The following PTGR2 variants were observed in gnomAD, a reference collection of about 807,000 sequenced individuals.
PTGR2 encodes the protein 15-oxoprostaglandin 13-reductase.
A neutral mutation model predicts 43.4 loss-of-function variants in PTGR2; 32 were observed. That is an observed-to-expected ratio of 0.74 (90% CI 0.56 to 0.99). PTGR2 has a LOEUF of 0.99. Among genes scored for constraint, PTGR2 ranks in the 50% least tolerant of loss-of-function variants. The pLI, the probability that PTGR2 is intolerant of heterozygous loss-of-function variation, is 0.00. For synonymous variants in PTGR2, 106 were observed against 139.2 expected (o/e 0.76, Z 1.68); for missense variants, 373 against 420.0 (o/e 0.89, Z 0.98).
chr14:73,865,409 G>A (rs1566636913), intron 3 of PTGR2, among the ~76,000 whole-genome samples: 1 of 152,154 alleles, frequency 6.6e-6, no homozygotes, highest in Non-Finnish European at 1.5e-5. Context: ...TGGGCTCCTT[G>A]TTGAATGGAT....
At chr14:73,875,275 G>A (rs1293943838) in intron 4 of PTGR2, among the ~76,000 whole-genome samples, 2 of 152,094 alleles carry the variant, frequency 1.3e-5, no homozygotes, top group Admixed American at 1.3e-4. Flanking sequence ...TGGGATTACA[G>A]GTGTGAACCA....
intron 9 of PTGR2, 120 bp downstream of exon 9, chr14:73,882,558 T>G: frequency 1.5e-6 from 1 of 662,894 alleles, no homozygotes; most frequent in South Asian, 2.2e-5. Flanking sequence ...TGGAGTGTAG[T>G]GGCATGATCT....
In PTGR2 at chr14:73,884,170, CTT is replaced by C; in HGVS notation, c.1051_1052del (p.Leu351ValfsTer28). 6.3e-7 allele frequency: 1 copy of C among 1,580,780 alleles called. No individual in the cohort carries two copies. Among genetic ancestry groups the C allele is most frequent in the South Asian group, 1.1e-5 (1 of 89,346 alleles). On this transcript the variant is annotated frameshift_variant, in exon 10 of 10. Transcript: ENST00000555661. LOFTEE classifies it high-confidence loss of function. Reference sequence around the variant, plus strand: ...ATAGTTTGCATTTCAGAAGAAATCTCTTTGTAATTGCTGTAAATGTCATCAAG... The same window carrying C: ...ATAGTTTGCATTTCAGAAGAAATCTCTGTAATTGCTGTAAATGTCATCAAG...
At chr14:73,872,108 AG>A (rs1436200226) in intron 3 of PTGR2, among the ~76,000 whole-genome samples, 2 of 152,148 alleles carry the variant, frequency 1.3e-5, no homozygotes, top group Non-Finnish European at 2.9e-5. Context: ...TTCATGATAG[AG>A]GCAAGAGTGA....
intron 8 of PTGR2, 79 bp from the exon 9 acceptor site, chr14:73,882,320 G>A: frequency 2.2e-6 from 2 of 890,422 alleles, no homozygotes; most frequent in Admixed American, 2.2e-5. Flanking sequence ...TAGTATTGCT[G>A]GCTTTTGTAA....
At position 73,868,288 on chromosome 14, in the gene PTGR2, C is replaced by CA. The variant is rs778647372; in HGVS notation, c.157-5724dup. Among the ~76,000 whole-genome samples, 1,374 of 144,614 alleles carry CA rather than the reference C, an allele frequency of 9.5e-3. 22 individuals are homozygous for CA. The highest frequency in any genetic ancestry group is 0.032 in the African/African-American group (1,279 of 39,684). 94.9% of individuals were successfully genotyped at this position (144,614 alleles called of 152,430 possible). On this transcript the variant is annotated intron_variant, in intron 3 of 9. Transcript: ENST00000555661. The stretch of plus-strand genomic sequence containing the variant: ...TGGGCAACAGAGCAAGACTCTGTCT[C>CA]AAAAAAAAAAAGAAGCTACATAACC...
chr14:73,878,664 G>C (rs1231827566), intron 5 of PTGR2: 2 of 473,452 alleles, frequency 4.2e-6, no homozygotes, highest in Non-Finnish European at 8.3e-6. Flanking sequence ...TGTTTATTTT[G>C]ACAATGACCA....
intron 1 of PTGR2, among the ~76,000 whole-genome samples, chr14:73,857,545 C>T (rs1424702375): frequency 6.6e-6 from 1 of 151,120 alleles, no homozygotes; most frequent in African/African-American, 2.4e-5. Context: ...ACCCAGGAAG[C>T]AGAGGTTGCG....
intron 3 of PTGR2, chr14:73,861,390 AC>A (rs1463816841): frequency 2.0e-5 from 3 of 152,044 alleles, no homozygotes; most frequent in Admixed American, 1.3e-4. Flanking sequence ...TTTACTTCTA[AC>A]TTTTTCCTAT....
intron 4 of PTGR2, among the ~76,000 whole-genome samples, chr14:73,876,136 TAA>T (rs1362918615): frequency 6.6e-6 from 1 of 152,170 alleles, no homozygotes; most frequent in Non-Finnish European, 1.5e-5. Flanking sequence ...TTCTTTAATA[TAA>T]AGAGAAGTAA....
chr14:73,872,250 A>G (rs1198004992), intron 3 of PTGR2, among the ~76,000 whole-genome samples: 1 of 152,188 alleles, frequency 6.6e-6, no homozygotes, highest in African/African-American at 2.4e-5. Flanking sequence ...GTTAGGGGGC[A>G]TGAAATAGGG....
intron 1 of PTGR2, among the ~76,000 whole-genome samples, chr14:73,853,772 A>C (rs1428533437): frequency 6.8e-6 from 1 of 147,592 alleles, no homozygotes; most frequent in Non-Finnish European, 1.5e-5. Context: ...AGGTTGAGAG[A>C]AGGGACTTTT....
At chr14:73,861,748 C>T (rs909014775) in intron 3 of PTGR2, 1 of 151,992 alleles carries the variant, frequency 6.6e-6, no homozygotes, top group African/African-American at 2.4e-5. Flanking sequence ...AAAAAAAAGT[C>T]TCAGTGCTTG....
At chr14:73,865,934 C>T (rs1282956597) in intron 3 of PTGR2, among the ~76,000 whole-genome samples, 4 of 152,078 alleles carry the variant, frequency 2.6e-5, no homozygotes, top group Admixed American at 6.6e-5. Flanking sequence ...ATGCTAGTAC[C>T]TCGCTCTCTT....
chr14:73,866,240 G>T (rs1480497197), intron 3 of PTGR2, among the ~76,000 whole-genome samples: 1 of 152,052 alleles, frequency 6.6e-6, no homozygotes, highest in Non-Finnish European at 1.5e-5. Flanking sequence ...TGACCTTCAG[G>T]TGATCCACCC....
chr14:73,870,631 A>G (rs959467203), intron 3 of PTGR2, among the ~76,000 whole-genome samples: 11 of 151,954 alleles, frequency 7.2e-5, no homozygotes, highest in Admixed American at 4.6e-4. Flanking sequence ...CTTGGCTTTC[A>G]TATTCTTTTT....
chr14:73,852,582 T>A (rs542816955), intron 1 of PTGR2, among the ~76,000 whole-genome samples: 87 of 151,996 alleles, frequency 5.7e-4, no homozygotes, highest in Non-Finnish European at 1.1e-3. Context: ...AGCAGACGAG[T>A]CCTTATCCTC....
At chr14:73,871,341 C>CTTTTTTTTTTTTTTTTTTTTTGTTTTT (rs2054723293) in intron 3 of PTGR2, among the ~76,000 whole-genome samples, 1 of 67,878 alleles carries the variant, frequency 1.5e-5, no homozygotes, top group Non-Finnish European at 2.7e-5. Context: ...GGCTGTTCAT[C>CTTTTTTTTTTTTTTTTTTTTTGTTTTT]TTTTTTTTTT....
intron 3 of PTGR2, among the ~76,000 whole-genome samples, chr14:73,868,981 G>A (rs77055402): frequency 0.022 from 3,352 of 152,098 alleles, 60 homozygotes; most frequent in Non-Finnish European, 0.032. Context: ...CAGAGTCCCA[G>A]GTACATATTA....
Sources: gnomAD v4.1 joint callset for allele counts (sites outside exome capture counted in the v4.1 genomes callset) on GRCh38, gnomAD v4.1.1 for gene constraint, MANE v1.5 for transcripts, NCBI Gene and HGNC (gene_info 2026-07-23, HGNC 2026-07-21) for gene names.